LHPP: variants seen among roughly 807,000 people sequenced by gnomAD.
The protein encoded by LHPP is phospholysine phosphohistidine inorganic pyrophosphate phosphatase.
A neutral mutation model predicts 30.3 loss-of-function variants in LHPP; 24 were observed. The observed-to-expected ratio is 0.79, with a 90% CI of 0.57 to 1.11. LHPP has a LOEUF of 1.11. Ranked by LOEUF, LHPP falls within the 50% of genes most tolerant of loss-of-function variation. LHPP has a pLI of 0.00. For synonymous variants in LHPP, 150 were observed against 157.1 expected, an observed-to-expected ratio of 0.95 and a Z score of 0.34; for missense variants, 356 against 367.2, an observed-to-expected ratio of 0.97 and a Z score of 0.25.
At chr10:124,552,191 G>A (rs564493714) in intron 6 of LHPP, among the ~76,000 whole-genome samples, 2 of 152,280 alleles carry the variant, frequency 1.3e-5, no homozygotes, top group East Asian at 3.9e-4. Context: ...GTTAATGGCA[G>A]CAGCAGCCAT....
In LHPP at chr10:124,522,585, G is replaced by A. The variant is rs117862326; in HGVS notation, c.716+5314G>A. On this transcript the variant is annotated intron_variant, in intron 6 of 6. Transcript: ENST00000368842. ...CCTGGCCGCCCCCAGTCCCCTGGGC[G>A]GGTGCTTTTCCTGCACTTTTCCCTG... Among the ~76,000 whole-genome samples, 775 of 152,304 alleles carry A rather than the reference G, an allele frequency of 5.1e-3. 16 individuals carry two copies. The highest frequency in any genetic ancestry group is 0.036 in the Admixed American group (546 of 15,306).
rs1953726831 is a variant in LHPP at position 124,496,809 on chromosome 10, G to A, written c.468-152G>A. The A allele has an allele frequency of 3.0e-6, 2 of 668,430 alleles. No individual in the cohort carries two copies. The highest frequency in any genetic ancestry group is 1.9e-5 in the South Asian group (1 of 51,518). The allele number at this position is 668,430 out of a possible 1,614,324, so 41.4% of individuals were successfully genotyped here. ...CGGCTCTGTGGTGCTGGTCCCCTGCGGTCATTCTCAGCGTAGCGCCTGGAC... is the reference window on the plus strand; with the variant it reads ...CGGCTCTGTGGTGCTGGTCCCCTGCAGTCATTCTCAGCGTAGCGCCTGGAC... On this transcript the variant is annotated intron_variant, in intron 3 of 6. Coordinates refer to ENST00000368842, the MANE Select transcript of LHPP (RefSeq NM_022126.4). This position sits in a 1 kb window ranked among gnomAD's most constrained non-coding sequence, Gnocchi z 4.3.
intron 6 of LHPP, among the ~76,000 whole-genome samples, chr10:124,571,590 C>T (rs569695708): frequency 8.5e-5 from 13 of 152,304 alleles, no homozygotes; most frequent in Admixed American, 3.9e-4. Context: ...CAGAGCCCCC[C>T]GTGTTTCAGA....
intron 6 of LHPP, among the ~76,000 whole-genome samples, chr10:124,527,745 T>C (rs1316237849): frequency 9.2e-5 from 14 of 151,730 alleles, no homozygotes; most frequent in Admixed American, 8.5e-4. Flanking sequence ...GTGCTAACCA[T>C]GTAACCTTGG....
intron 1 of LHPP, 23 bp from the exon 2 acceptor site, chr10:124,484,116 G>A (rs1354369774): frequency 1.2e-6 from 2 of 1,610,898 alleles, no homozygotes; most frequent in Non-Finnish European, 1.7e-6. Flanking sequence ...TGACTTCCCG[G>A]GCCTGTGTCT....
At chr10:124,488,247 C>T (rs1285117476) in intron 2 of LHPP, among the ~76,000 whole-genome samples, 175 bp from the exon 3 acceptor site, 1 of 152,164 alleles carries the variant, frequency 6.6e-6, no homozygotes, top group African/African-American at 2.4e-5. Context: ...ATTCCCTCCT[C>T]TGTCAAATAG....
At chr10:124,476,339 A>G (rs1952944460) in intron 1 of LHPP, among the ~76,000 whole-genome samples, 1 of 152,136 alleles carries the variant, frequency 6.6e-6, no homozygotes, top group Non-Finnish European at 1.5e-5. Context: ...TGGAAGGAGG[A>G]GCAAGTGCAG....
At chr10:124,532,674 G>A (rs1954927724) in intron 6 of LHPP, among the ~76,000 whole-genome samples, 1 of 152,212 alleles carries the variant, frequency 6.6e-6, no homozygotes, top group Admixed American at 6.5e-5. Context: ...CAGCTTCCCA[G>A]GCCATTTCTG....
intron 6 of LHPP, among the ~76,000 whole-genome samples, chr10:124,584,409 G>A (rs531907490): frequency 1.0e-3 from 158 of 151,858 alleles, no homozygotes; most frequent in Non-Finnish European, 2.1e-3. Context: ...ATTTCCTCAC[G>A]GTTCTGGAGC....
chr10:124,526,548 C>T (rs1954742856), intron 6 of LHPP, among the ~76,000 whole-genome samples: 2 of 152,148 alleles, frequency 1.3e-5, no homozygotes, highest in South Asian at 2.1e-4. Flanking sequence ...GAGCAGGGGC[C>T]GGGCCTCACA....
At chr10:124,471,756 T>C in intron 1 of LHPP, among the ~76,000 whole-genome samples, 1 of 131,346 alleles carries the variant, frequency 7.6e-6, no homozygotes, top group East Asian at 2.1e-4. Context: ...TATTTGTATA[T>C]ATATATATTT....
intron 6 of LHPP, among the ~76,000 whole-genome samples, chr10:124,547,866 T>G (rs1457448102): frequency 1.3e-5 from 2 of 152,260 alleles, no homozygotes; most frequent in African/African-American, 4.8e-5. Flanking sequence ...TAATCTCAGA[T>G]GCTGGCTTGT....
intron 3 of LHPP, chr10:124,490,214 G>T (rs949015670): frequency 2.7e-5 from 5 of 182,566 alleles, no homozygotes; most frequent in Admixed American, 6.2e-5. Context: ...GGGTGTCTCT[G>T]TTGGCTTCCC....
At chr10:124,472,732 A>G (rs574771416) in intron 1 of LHPP, among the ~76,000 whole-genome samples, 143 of 151,890 alleles carry the variant, frequency 9.4e-4, no homozygotes, top group Non-Finnish European at 1.6e-3. Flanking sequence ...TAACTTTTGT[A>G]TTTTTAGTAG....
intron 6 of LHPP, among the ~76,000 whole-genome samples, chr10:124,580,369 T>G (rs1211275441): frequency 1.3e-5 from 2 of 152,256 alleles, no homozygotes; most frequent in African/African-American, 4.8e-5. Context: ...ATATTCTACA[T>G]TCTCCTTCAG....
intron 6 of LHPP, among the ~76,000 whole-genome samples, chr10:124,535,078 C>T (rs1954990094): frequency 6.6e-6 from 1 of 152,216 alleles, no homozygotes; most frequent in South Asian, 2.1e-4. Flanking sequence ...TTCTCTGTGC[C>T]TCAGCGTTGC....
chr10:124,596,910 T>C lies in LHPP; in HGVS notation c.717-16354T>C, dbSNP rs189625400. On this transcript the variant is annotated intron_variant, in intron 6 of 6. Transcript: ENST00000368842. This position sits in a 1 kb window ranked among gnomAD's most constrained non-coding sequence, Gnocchi z 4.6. The stretch of plus-strand genomic sequence containing the variant: ...GGGTGTTGCCAGAGGAGACTGACTT[T>C]TGAGTCGGTGGACCGGGTGACGGAG... Among the ~76,000 whole-genome samples, 68 of 152,270 alleles carry C rather than the reference T, an allele frequency of 4.5e-4. No individual in the cohort carries two copies. The highest frequency in any genetic ancestry group is 1.6e-3 in the African/African-American group (68 of 41,568).
intron 1 of LHPP, among the ~76,000 whole-genome samples, chr10:124,468,573 G>A (rs1311536262): frequency 6.6e-6 from 1 of 152,090 alleles, no homozygotes; most frequent in African/African-American, 2.4e-5. Context: ...TGTCCACGAG[G>A]ACCTTCTCAA....
In LHPP at chr10:124,591,105, G is replaced by A. The variant is rs115015025; in HGVS notation, c.717-22159G>A. Among the ~76,000 whole-genome samples, 19 of 152,332 alleles carry A rather than the reference G, an allele frequency of 1.2e-4. No homozygotes were observed. In the South Asian group the frequency reaches 1.4e-3, roughly 12 times the overall value. ...TAAGCCGGGGGGAAGGGGGCACCGC[G>A]GGTGGGTGTTAACTGCTGCTTCGGG... On this transcript the variant is annotated intron_variant, in intron 6 of 6. Transcript: ENST00000368842.
Sources: gnomAD v4.1 joint callset for allele counts (sites outside exome capture counted in the v4.1 genomes callset) on GRCh38, gnomAD v4.1.1 for gene constraint, Gnocchi (gnomAD v3.1) non-coding constraint, MANE v1.5 for transcripts, NCBI Gene and HGNC (gene_info 2026-07-23, HGNC 2026-07-21) for gene names.